Variants in GNAI1 observed in about 807,000 individuals in gnomAD.
GNAI1 encodes guanine nucleotide-binding protein G(i) subunit alpha-1.
In GNAI1, 11 loss-of-function variants were observed where a neutral mutation model predicts 38.9. That is an observed-to-expected ratio of 0.28 (90% CI 0.18 to 0.47). The LOEUF is 0.47. GNAI1 is among the 20% of genes least tolerant of loss of function. The pLI is 0.99. For synonymous variants in GNAI1, 166 were observed against 145.1 expected (o/e 1.14, Z -1.04); for missense variants, 317 against 436.9 (o/e 0.73, Z 2.45).
rs908366250 is a variant in GNAI1 at position 80,222,984 on chromosome 7, A to G, written c.*5491A>G. The stretch of plus-strand genomic sequence containing the variant: ...TTAGCATACAGTTGGACAAGATAGC[A>G]TAAAGCCTATTTTACAATAAAGGAT... On this transcript the variant is annotated 3_prime_UTR_variant, in exon 8 of 8. Coordinates refer to ENST00000649796, the MANE Select transcript of GNAI1 (RefSeq NM_002069.6). Among the ~76,000 whole-genome samples, 5 of 152,246 alleles carry G rather than the reference A, an allele frequency of 3.3e-5. No individual in the cohort carries two copies. The highest frequency in any genetic ancestry group is 7.3e-5 in the Non-Finnish European group (5 of 68,036).
In GNAI1 at chr7:80,217,533, G is replaced by T. The variant is rs764899038; in HGVS notation, c.*40G>T. ...GGTAAAATGCATTTTCAAACCAAAT[G>T]AGTACTTATATATGGATCTCTGTAG... is the stretch of plus-strand genomic sequence containing the variant. On this transcript the variant is annotated 3_prime_UTR_variant, in exon 8 of 8. Coordinates refer to ENST00000649796, the MANE Select transcript of GNAI1 (RefSeq NM_002069.6). The T allele has an allele frequency of 8.4e-7, 1 of 1,186,506 alleles. No homozygotes were observed. 73.5% of individuals were successfully genotyped at this position (1,186,506 alleles called of 1,614,324 possible).
At chr7:80,144,978 G>A (rs942823224) in intron 1 of GNAI1, among the ~76,000 whole-genome samples, 4 of 152,084 alleles carry the variant, frequency 2.6e-5, no homozygotes, top group African/African-American at 9.7e-5. Context: ...CTATAAGATG[G>A]TGCTCCTCTA....
chr7:80,212,382 G>A (rs1788890091), intron 6 of GNAI1, among the ~76,000 whole-genome samples: 1 of 152,118 alleles, frequency 6.6e-6, no homozygotes, highest in African/African-American at 2.4e-5. Context: ...AAATTTAGAT[G>A]AAATGAACTC....
intron 6 of GNAI1, among the ~76,000 whole-genome samples, chr7:80,212,140 G>A (rs1225655037): frequency 6.6e-6 from 1 of 152,024 alleles, no homozygotes; most frequent in African/African-American, 2.4e-5. Context: ...TGAAATTATA[G>A]TGTAGTAGGT....
At chr7:80,186,282 C>T (rs1233833366) in intron 1 of GNAI1, among the ~76,000 whole-genome samples, 1 of 152,078 alleles carries the variant, frequency 6.6e-6, no homozygotes, top group Non-Finnish European at 1.5e-5. Context: ...CTGCCCGCCT[C>T]AGCCTCCCAA....
At chr7:80,191,567 T>G (rs967095233) in intron 3 of GNAI1, among the ~76,000 whole-genome samples, 3 of 152,092 alleles carry the variant, frequency 2.0e-5, no homozygotes, top group African/African-American at 7.2e-5. Context: ...AATTTTTGTA[T>G]TTTTAGTAAA....
intron 7 of GNAI1, among the ~76,000 whole-genome samples, chr7:80,213,522 T>C (rs1788907551): frequency 6.6e-6 from 1 of 152,142 alleles, no homozygotes; most frequent in African/African-American, 2.4e-5. Flanking sequence ...ATTCCATCTG[T>C]GAAGTCAGGA....
At chr7:80,207,201 A>G (rs1329762543) in intron 5 of GNAI1, among the ~76,000 whole-genome samples, 1 of 152,138 alleles carries the variant, frequency 6.6e-6, no homozygotes, top group African/African-American at 2.4e-5. Context: ...TGAGAACTGT[A>G]TACATAGTAA....
At chr7:80,135,424 GC>G (rs1224557254) in intron 1 of GNAI1, 146 bp downstream of exon 1, 1 of 475,596 alleles carries the variant, frequency 2.1e-6, no homozygotes, top group African/African-American at 2.0e-5. Context: ...CGGTGCGGAG[GC>G]AAGGCGGGTC....
At chr7:80,202,786 C>G (rs965322491) in intron 4 of GNAI1, among the ~76,000 whole-genome samples, 1 of 152,170 alleles carries the variant, frequency 6.6e-6, no homozygotes, top group Non-Finnish European at 1.5e-5. Context: ...AGGACTCATT[C>G]CAAACTCCTC....
At chr7:80,211,200 C>CCTG in intron 6 of GNAI1, 102 bp downstream of exon 6, 1 of 956,132 alleles carries the variant, frequency 1.0e-6, no homozygotes, top group Non-Finnish European at 1.5e-6. Flanking sequence ...AGTACAGGGT[C>CCTG]TTTCCTCTAA....
At chr7:80,138,492 A>C (rs549497398) in intron 1 of GNAI1, among the ~76,000 whole-genome samples, 1 of 152,288 alleles carries the variant, frequency 6.6e-6, no homozygotes, top group Non-Finnish European at 1.5e-5. Context: ...GTAAGTAATA[A>C]TGAAAGTTTT....
intron 1 of GNAI1, among the ~76,000 whole-genome samples, chr7:80,143,761 A>G (rs1449879482): frequency 6.6e-6 from 1 of 152,156 alleles, no homozygotes; most frequent in Admixed American, 6.6e-5. Context: ...TACTTAGAAT[A>G]CTACATGGTA....
chr7:80,178,402 A>C (rs1326129426), intron 1 of GNAI1, among the ~76,000 whole-genome samples: 1 of 152,184 alleles, frequency 6.6e-6, no homozygotes, highest in African/African-American at 2.4e-5. Flanking sequence ...AAAGAGCATC[A>C]CATGCTGCAG....
intron 3 of GNAI1, 52 bp from the exon 4 acceptor site, chr7:80,199,173 T>G: frequency 7.5e-7 from 1 of 1,341,012 alleles, no homozygotes; most frequent in Non-Finnish European, 1.0e-6. Flanking sequence ...CTTTGTACTT[T>G]TTATCTCTGA....
intron 1 of GNAI1, among the ~76,000 whole-genome samples, chr7:80,169,061 C>T (rs1382072662): frequency 6.6e-6 from 1 of 152,132 alleles, no homozygotes; most frequent in East Asian, 1.9e-4. Context: ...ACTCTTCTTT[C>T]TGTACTTCTG....
rs188710022 is a variant in GNAI1 at position 80,157,669 on chromosome 7, A to G, written c.118+22391A>G. 2.5e-3 allele frequency among the ~76,000 whole-genome samples: 375 copies of G among 152,120 alleles called. 1 individual carries two copies. The highest frequency in any genetic ancestry group is 2.5e-3 in the Non-Finnish European group (173 of 67,972). On this transcript the variant is annotated intron_variant, in intron 1 of 7. Coordinates refer to ENST00000649796, the MANE Select transcript of GNAI1 (RefSeq NM_002069.6). ...GTAGTGGTATCTCATTGGTACTTCAATTTGCATTTTCTTGATGACATATGT... is the reference window on the plus strand; with the variant it reads ...GTAGTGGTATCTCATTGGTACTTCAGTTTGCATTTTCTTGATGACATATGT...
intron 7 of GNAI1, among the ~76,000 whole-genome samples, chr7:80,215,834 G>A (rs1328949911): frequency 1.3e-5 from 2 of 152,172 alleles, no homozygotes; most frequent in African/African-American, 4.8e-5. Context: ...CCAATTTTGA[G>A]CAAATGTGAA....
In GNAI1 at chr7:80,192,394, A is replaced by G. The variant is rs149348859; in HGVS notation, c.303+3163A>G. On this transcript the variant is annotated intron_variant, in intron 3 of 7. Transcript: ENST00000649796. ...CTAACAGTCATTTGTTAAATATTAA[A>G]TAATCAGCCTATTCCGTCTATTCCT... Among the ~76,000 whole-genome samples, 439 of 152,332 alleles carry G rather than the reference A, an allele frequency of 2.9e-3. 2 individuals carry two copies. Among genetic ancestry groups the G allele is most frequent in the South Asian group, 8.5e-3 (41 of 4,824 alleles).
Sources: gnomAD v4.1 joint callset for allele counts (sites outside exome capture counted in the v4.1 genomes callset) on GRCh38, gnomAD v4.1.1 for gene constraint, MANE v1.5 for transcripts, NCBI Gene and HGNC (gene_info 2026-07-23, HGNC 2026-07-21) for gene names.